SHISA9: variants seen among roughly 807,000 people sequenced by gnomAD.
The protein encoded by SHISA9 is shisa family member 9, also known as protein shisa-9.
In SHISA9, 13 loss-of-function variants were observed where a neutral mutation model predicts 38.0. The ratio of observed to expected loss-of-function variants is 0.34; its 90% CI spans 0.22 to 0.54. SHISA9 has a LOEUF of 0.54. Among genes scored for constraint, SHISA9 ranks in the 20% least tolerant of loss-of-function variants. The probability of loss-of-function intolerance (pLI) is 0.91; values close to 1 mark genes in which losing one functional copy is unlikely to be tolerated. For missense variants in SHISA9, 538 were observed against 575.8 expected (o/e 0.93, Z 0.67); for synonymous variants, 275 against 242.0 (o/e 1.14, Z -1.27).
rs2141700042 is a variant in SHISA9 at position 12,902,201 on chromosome 16, G to T, written c.137G>T (p.Arg46Leu). Reference protein sequence around the residue: ...GGVLLLAGGNRSGAASGEASE... With the variant: ...GGVLLLAGGNLSGAASGEASE... The stretch of plus-strand genomic sequence containing the variant: ...GTGTTGCTGCTGGCGGGGGGCAACC[G>T]CTCCGGGGCCGCCTCCGGAGAGGCC... Residue 46 changes from arginine to leucine, a missense_variant, in exon 1 of 5, where the codon CGC becomes CTC. Coordinates refer to ENST00000558583, the MANE Select transcript of SHISA9 (RefSeq NM_001145204.3). 2 of 1,523,352 alleles carry T rather than the reference G, an allele frequency of 1.3e-6. No individual in the cohort carries two copies. Among genetic ancestry groups the T allele is most frequent in the East Asian group, 2.5e-5 (1 of 39,966 alleles). The allele number at this position is 1,523,352 out of a possible 1,614,324, so 94.4% of individuals were successfully genotyped here.
intron 2 of SHISA9, among the ~76,000 whole-genome samples, chr16:13,080,277 G>A (rs569017411): frequency 3.9e-5 from 6 of 152,216 alleles, no homozygotes; most frequent in Non-Finnish European, 8.8e-5. Flanking sequence ...GGAGGCTGAC[G>A]CAGGAGAATG....
At chr16:13,069,385 A>G (rs943537120) in intron 2 of SHISA9, among the ~76,000 whole-genome samples, 1 of 151,782 alleles carries the variant, frequency 6.6e-6, no homozygotes, top group Admixed American at 6.6e-5. Context: ...TGTACATGCA[A>G]TGTGTATGTG....
intron 2 of SHISA9, among the ~76,000 whole-genome samples, chr16:13,124,587 G>C (rs1485255875): frequency 6.6e-6 from 1 of 152,166 alleles, no homozygotes; most frequent in Non-Finnish European, 1.5e-5. Context: ...CATCCACCAT[G>C]ATCTGGACTG....
At chr16:13,396,299 G>C in the SHISA9 span, among the ~76,000 whole-genome samples, 2 of 152,328 alleles carry the variant, frequency 1.3e-5, no homozygotes, top group Admixed American at 1.3e-4. Context: ...TTGAGGTCAG[G>C]AGTTTGAGAC....
intron 2 of SHISA9, among the ~76,000 whole-genome samples, chr16:13,111,344 CAAAAAAAA>C (rs35569425): frequency 7.3e-6 from 1 of 137,806 alleles, no homozygotes; most frequent in Non-Finnish European, 1.6e-5. Flanking sequence ...AAACAAATTA[CAAAAAAAA>C]AAAAAAACCC....
At position 13,235,319 on chromosome 16, in the gene SHISA9, C is replaced by G. The variant is rs1405293600; in HGVS notation, c.1185C>G (p.Gly395=). 5 of 1,549,116 alleles carry G rather than the reference C, an allele frequency of 3.2e-6. No homozygotes were observed. The African/African-American group carries it at 6.8e-5, about 21-fold the overall frequency. The change falls in exon 5 of 5, where the codon GGC becomes GGG. Residue 395 remains glycine (G), a synonymous_variant. Transcript: ENST00000558583. ...NKGKLGTAET[G]SSDPLGTRPQ... is the part of the protein sequence containing the mutation. Reference sequence around the variant, plus strand: ...GCAAGCTTGGCACGGCCGAGACAGGCTCCAGCGACCCCTTGGGAACTCGCC... The same window carrying G: ...GCAAGCTTGGCACGGCCGAGACAGGGTCCAGCGACCCCTTGGGAACTCGCC...
At chr16:13,153,017 C>G (rs945545855) in intron 2 of SHISA9, among the ~76,000 whole-genome samples, 2 of 152,112 alleles carry the variant, frequency 1.3e-5, no homozygotes, top group Non-Finnish European at 2.9e-5. Flanking sequence ...AGCTGAATAT[C>G]TGAGTATGAG....
chr16:13,367,651 T>TA, the SHISA9 span, among the ~76,000 whole-genome samples: 2 of 140,614 alleles, frequency 1.4e-5, no homozygotes, highest in African/African-American at 5.4e-5. Flanking sequence ...GCAAGTAGGA[T>TA]GCGGGGGGGA....
the SHISA9 span, among the ~76,000 whole-genome samples, chr16:13,355,811 C>T: frequency 1.2e-4 from 19 of 152,154 alleles, no homozygotes; most frequent in Non-Finnish European, 1.9e-4. Context: ...GCTTCCGAGG[C>T]GATCGGGCAG....
chr16:13,502,562 T>C, the SHISA9 span, among the ~76,000 whole-genome samples: 1 of 152,076 alleles, frequency 6.6e-6, no homozygotes, highest in African/African-American at 2.4e-5. Context: ...GTCTTTACCA[T>C]TGCGGTATTT....
chr16:13,034,572 A>G (rs965096066), intron 2 of SHISA9, among the ~76,000 whole-genome samples: 17 of 152,064 alleles, frequency 1.1e-4, no homozygotes, highest in Admixed American at 1.1e-3. Context: ...GTAATGATAG[A>G]CCCAATTCTT....
the SHISA9 span, among the ~76,000 whole-genome samples, chr16:13,338,872 G>C: frequency 6.6e-6 from 1 of 152,172 alleles, no homozygotes; most frequent in Non-Finnish European, 1.5e-5. Context: ...GTGTATTTGG[G>C]TTAGATTTAC....
At chr16:13,074,446 T>A (rs1208859386) in intron 2 of SHISA9, among the ~76,000 whole-genome samples, 1 of 152,140 alleles carries the variant, frequency 6.6e-6, no homozygotes, top group Admixed American at 6.5e-5. Context: ...GAACATTTTT[T>A]TAATAGGCTT....
chr16:12,985,410 T>C (rs911334342), intron 2 of SHISA9, among the ~76,000 whole-genome samples: 1 of 152,080 alleles, frequency 6.6e-6, no homozygotes, highest in East Asian at 1.9e-4. Context: ...GAGTCTCAGT[T>C]TGTGCATCTG....
intron 1 of SHISA9, 192 bp downstream of exon 1, chr16:12,902,819 T>G: frequency 1.6e-6 from 1 of 622,306 alleles, no homozygotes; most frequent in Non-Finnish European, 2.8e-6. Flanking sequence ...AGCACAGGTG[T>G]GGGTCTGAGC....
At chr16:13,498,352 T>C in the SHISA9 span, among the ~76,000 whole-genome samples, 1 of 152,234 alleles carries the variant, frequency 6.6e-6, no homozygotes, top group Non-Finnish European at 1.5e-5. Context: ...GTCAACTACA[T>C]ACATTGCAGT....
chr16:13,358,508 C>CGT, the SHISA9 span, among the ~76,000 whole-genome samples: 1 of 152,174 alleles, frequency 6.6e-6, no homozygotes, highest in African/African-American at 2.4e-5. Flanking sequence ...TAAAATATTC[C>CGT]GTGAGGATGT....
chr16:13,196,891 C>G (rs1025947891), intron 2 of SHISA9, among the ~76,000 whole-genome samples: 6 of 152,168 alleles, frequency 3.9e-5, no homozygotes, highest in African/African-American at 1.4e-4. Flanking sequence ...GTCAGGAGTT[C>G]AGGACCAGCC....
intron 2 of SHISA9, among the ~76,000 whole-genome samples, chr16:13,144,588 A>C (rs1050317750): frequency 6.6e-6 from 1 of 152,160 alleles, no homozygotes; most frequent in Admixed American, 6.5e-5. Flanking sequence ...CGGGGAAAGA[A>C]GAGATGGAAC....
Sources: allele counts gnomAD v4.1 joint callset (sites outside exome capture counted in the v4.1 genomes callset), GRCh38; gene constraint gnomAD v4.1.1; transcripts MANE v1.5; gene names NCBI Gene and HGNC (gene_info 2026-07-23, HGNC 2026-07-21).